GUCY1A2: variants seen among roughly 807,000 people sequenced by gnomAD.
GUCY1A2 encodes the protein guanylate cyclase soluble subunit alpha-2.
Under a neutral mutation model 63.5 loss-of-function variants are expected in GUCY1A2, and 27 were observed. The observed-to-expected ratio is 0.43, with a 90% CI of 0.31 to 0.59. GUCY1A2 has a LOEUF of 0.59. Among genes scored for constraint, GUCY1A2 ranks in the 20% least tolerant of loss-of-function variants. GUCY1A2 has a pLI of 0.11. For missense variants in GUCY1A2, 768 were observed against 913.3 expected (o/e 0.84, Z 2.05); for synonymous variants, 364 against 343.5 (o/e 1.06, Z -0.66).
chr11:106,871,825 A>G (rs1338247373), intron 4 of GUCY1A2, among the ~76,000 whole-genome samples: 1 of 152,226 alleles, frequency 6.6e-6, no homozygotes, highest in African/African-American at 2.4e-5. Flanking sequence ...ACTTTGATTT[A>G]GAAGATATTT....
chr11:106,738,358 G>A (rs1310784063), intron 6 of GUCY1A2, among the ~76,000 whole-genome samples: 1 of 152,208 alleles, frequency 6.6e-6, no homozygotes, highest in East Asian at 1.9e-4. Context: ...TCACTCTGCT[G>A]ATAGTTTCTT....
At chr11:106,986,234 G>A (rs936504672) in intron 1 of GUCY1A2, 103 bp from the exon 2 acceptor site, 15 of 669,916 alleles carry the variant, frequency 2.2e-5, no homozygotes, top group Non-Finnish European at 3.9e-5. Flanking sequence ...TTTATCTCTT[G>A]AGAGTTTTCC....
chr11:106,927,368 G>A (rs112906763), intron 4 of GUCY1A2, among the ~76,000 whole-genome samples: 77 of 150,416 alleles, frequency 5.1e-4, no homozygotes, highest in African/African-American at 1.7e-3. Flanking sequence ...GCGAGACTCC[G>A]TCTCAAAAAA....
intron 4 of GUCY1A2, among the ~76,000 whole-genome samples, chr11:106,911,353 A>C (rs1400866274): frequency 3.9e-5 from 6 of 152,094 alleles, no homozygotes; most frequent in African/African-American, 1.4e-4. Flanking sequence ...ACCTCATGTT[A>C]AACCCACTTT....
intron 6 of GUCY1A2, among the ~76,000 whole-genome samples, chr11:106,718,660 T>A (rs949760791): frequency 5.3e-5 from 8 of 152,106 alleles, no homozygotes; most frequent in African/African-American, 1.7e-4. Flanking sequence ...AGTAAGAAAC[T>A]GATTTAAATC....
At chr11:106,893,188 C>G (rs1164118553) in intron 4 of GUCY1A2, among the ~76,000 whole-genome samples, 1 of 152,112 alleles carries the variant, frequency 6.6e-6, no homozygotes, top group African/African-American at 2.4e-5. Context: ...CTAAACATCT[C>G]CTCAGTCCCA....
At chr11:107,014,815 G>A (rs1861798009) in intron 1 of GUCY1A2, among the ~76,000 whole-genome samples, 1 of 152,096 alleles carries the variant, frequency 6.6e-6, no homozygotes, top group African/African-American at 2.4e-5. Context: ...GAAGTATATT[G>A]TGATGGCATG....
At chr11:106,975,885 C>A (rs1861255633) in intron 3 of GUCY1A2, among the ~76,000 whole-genome samples, 1 of 152,100 alleles carries the variant, frequency 6.6e-6, no homozygotes, top group Non-Finnish European at 1.5e-5. Flanking sequence ...CTCCTCAGGT[C>A]CTCGTTTTTA....
intron 3 of GUCY1A2, among the ~76,000 whole-genome samples, chr11:106,971,102 T>C (rs1202394539): frequency 2.0e-5 from 3 of 152,102 alleles, no homozygotes; most frequent in Non-Finnish European, 4.4e-5. Flanking sequence ...GGATTTTTTT[T>C]AGAAGAGTGC....
rs561938657 is a variant in GUCY1A2, at chr11:107,014,414, A to G, written c.303+3339T>C. 1.2e-4 allele frequency among the ~76,000 whole-genome samples: 18 copies of G among 152,152 alleles called. No homozygotes were observed. The East Asian group carries it at 3.1e-3, about 26-fold the overall frequency. On this transcript the variant is annotated intron_variant, in intron 1 of 7. Coordinates refer to ENST00000526355, the MANE Select transcript of GUCY1A2 (RefSeq NM_000855.3). ...TGTTTCCCTTTCATATGCCAATATG[A>G]CAGTTTGTCCAAAGCCTGGGAAATC...
chr11:106,709,501 A>T (rs1425385013), intron 6 of GUCY1A2, among the ~76,000 whole-genome samples: 1 of 51,666 alleles, frequency 1.9e-5, no homozygotes, highest in Non-Finnish European at 3.0e-5. Context: ...TATATATAAT[A>T]ATATATATTA....
intron 7 of GUCY1A2, among the ~76,000 whole-genome samples, chr11:106,693,067 C>T (rs942740134): frequency 6.6e-6 from 1 of 152,188 alleles, no homozygotes; most frequent in Non-Finnish European, 1.5e-5. Flanking sequence ...TCTCAGAATG[C>T]TGTCTACCAG....
At chr11:106,921,853 T>C (rs1860448579) in intron 4 of GUCY1A2, among the ~76,000 whole-genome samples, 1 of 152,146 alleles carries the variant, frequency 6.6e-6, no homozygotes, top group Non-Finnish European at 1.5e-5. Context: ...TAACAACATG[T>C]GTTGTATTCA....
intron 1 of GUCY1A2, among the ~76,000 whole-genome samples, chr11:106,986,602 T>G (rs1453970860): frequency 6.6e-6 from 1 of 152,204 alleles, no homozygotes; most frequent in Non-Finnish European, 1.5e-5. Flanking sequence ...TAGCAAGCAG[T>G]GATAAATTGA....
Position 106,684,336 on chromosome 11 carries a change from T to G in GUCY1A2, c.*3213A>C, listed in dbSNP as rs623583. On this transcript the variant is annotated 3_prime_UTR_variant, in exon 8 of 8. Transcript: ENST00000526355. ...GCAAGAGATGAATATAAAGGCAGAT[T>G]GTACGCAATTGGGTCCCATGTTACC... 0.11 allele frequency: 20,994 copies of G among 189,506 alleles called. 1,590 individuals carry two copies. The highest frequency in any genetic ancestry group is 0.28 in the East Asian group (3,378 of 11,860). The allele number at this position is 189,506 out of a possible 1,614,324, so 11.7% of individuals were successfully genotyped here.
At chr11:106,985,253 C>T (rs1429793185) in intron 2 of GUCY1A2, among the ~76,000 whole-genome samples, 2 of 152,122 alleles carry the variant, frequency 1.3e-5, no homozygotes, top group Non-Finnish European at 2.9e-5. Flanking sequence ...ATAAAGAATA[C>T]TAACAAGGTA....
intron 4 of GUCY1A2, among the ~76,000 whole-genome samples, chr11:106,929,872 A>G (rs1860578121): frequency 6.6e-6 from 1 of 152,198 alleles, no homozygotes; most frequent in South Asian, 2.1e-4. Flanking sequence ...AACTATTTAA[A>G]TATTTGAAAG....
intron 6 of GUCY1A2, among the ~76,000 whole-genome samples, chr11:106,710,659 G>A (rs1449374064): frequency 6.6e-6 from 1 of 151,654 alleles, no homozygotes; most frequent in Non-Finnish European, 1.5e-5. Context: ...TCTGGTCCAT[G>A]CCTTGAAAAA....
At chr11:106,850,201 A>AT (rs992305042) in intron 4 of GUCY1A2, among the ~76,000 whole-genome samples, 5 of 151,668 alleles carry the variant, frequency 3.3e-5, no homozygotes, top group African/African-American at 9.6e-5. Context: ...TCTATAATCC[A>AT]TTTTTTCCCT....
Sources: gnomAD v4.1 joint callset for allele counts (sites outside exome capture counted in the v4.1 genomes callset) on GRCh38, gnomAD v4.1.1 for gene constraint, MANE v1.5 for transcripts, NCBI Gene and HGNC (gene_info 2026-07-23, HGNC 2026-07-21) for gene names.